The following SH3RF3 variants were observed in gnomAD, a reference collection of about 807,000 sequenced individuals.
The protein encoded by SH3RF3 is E3 ubiquitin-protein ligase SH3RF3.
SH3RF3 carries 29 observed loss-of-function variants against 66.3 expected under a neutral mutation model. The ratio of observed to expected loss-of-function variants is 0.44; its 90% confidence interval spans 0.33 to 0.60. The LOEUF is 0.60. Ranked by LOEUF, SH3RF3 falls within the 20% of genes least tolerant of loss-of-function variation. SH3RF3 has a pLI of 0.04. For synonymous variants in SH3RF3, 583 were observed against 532.0 expected (o/e 1.10, Z -1.32); for missense variants, 1,194 against 1,190.9 (o/e 1.00, Z -0.04).
At chr2:109,278,010 C>CAA (rs58675048) in intron 1 of SH3RF3, among the ~76,000 whole-genome samples, 24,837 of 81,224 alleles carry the variant, frequency 0.31, 3,796 homozygotes, top group Non-Finnish European at 0.42. Flanking sequence ...CTGTCTCTAA[C>CAA]AAAAAAAAAA....
At chr2:109,249,563 C>CCTTA (rs1680025315) in intron 1 of SH3RF3, among the ~76,000 whole-genome samples, 2 of 135,006 alleles carry the variant, frequency 1.5e-5, no homozygotes, top group Non-Finnish European at 3.1e-5. Flanking sequence ...TTCCTTCCTT[C>CCTTA]CTTCCTTCCT....
At chr2:109,351,917 C>T (rs1682847682) in intron 2 of SH3RF3, among the ~76,000 whole-genome samples, 1 of 152,222 alleles carries the variant, frequency 6.6e-6, no homozygotes, top group Non-Finnish European at 1.5e-5. Context: ...TATGGGAAGT[C>T]TTACCTTTGT....
intron 7 of SH3RF3, among the ~76,000 whole-genome samples, chr2:109,441,556 C>T (rs1295174364): frequency 6.6e-6 from 1 of 152,154 alleles, no homozygotes; most frequent in Non-Finnish European, 1.5e-5. Context: ...AGCAATGGGA[C>T]AACTTTAAGT....
chr2:109,317,950 G>A (rs1338089194), intron 1 of SH3RF3, among the ~76,000 whole-genome samples: 4 of 152,074 alleles, frequency 2.6e-5, no homozygotes, highest in Admixed American at 6.5e-5. Context: ...CAACTCTGCC[G>A]CTTGTCCTGA....
intron 1 of SH3RF3, among the ~76,000 whole-genome samples, chr2:109,270,337 C>T (rs1393597205): frequency 1.3e-5 from 2 of 152,144 alleles, no homozygotes; most frequent in Non-Finnish European, 2.9e-5. Flanking sequence ...GGGAGGATTG[C>T]CATTCAGAGT....
intron 3 of SH3RF3, among the ~76,000 whole-genome samples, chr2:109,392,079 G>A (rs905537401): frequency 4.6e-5 from 7 of 152,090 alleles, no homozygotes; most frequent in African/African-American, 1.2e-4. Flanking sequence ...GCCTCCCAAA[G>A]TGTTGAGTTT....
chr2:109,176,127 C>T (rs1157568542), intron 1 of SH3RF3, among the ~76,000 whole-genome samples: 2 of 152,174 alleles, frequency 1.3e-5, no homozygotes, highest in Non-Finnish European at 2.9e-5. Flanking sequence ...GGTGTCTGCC[C>T]TTTACTTGGC....
At chr2:109,492,108 G>A (rs149699208) in intron 9 of SH3RF3, among the ~76,000 whole-genome samples, 4,277 of 152,186 alleles carry the variant, frequency 0.028, 126 homozygotes, top group African/African-American at 0.07. Flanking sequence ...CGGTGGAAGC[G>A]TGGCCACACA....
chr2:109,298,803 A>G (rs1042273914), intron 1 of SH3RF3, among the ~76,000 whole-genome samples: 1 of 152,126 alleles, frequency 6.6e-6, no homozygotes, highest in African/African-American at 2.4e-5. Context: ...CCCCAGGATG[A>G]CAGAGCTGCC....
intron 1 of SH3RF3, among the ~76,000 whole-genome samples, chr2:109,297,660 A>C (rs1574557543): frequency 9.0e-6 from 1 of 110,922 alleles, no homozygotes; most frequent in African/African-American, 3.6e-5. Flanking sequence ...AGTGTCCCCC[A>C]CCCTGGTCAG....
chr2:109,395,997 T>C (rs370632336), intron 3 of SH3RF3, among the ~76,000 whole-genome samples: 34 of 152,366 alleles, frequency 2.2e-4, no homozygotes, highest in African/African-American at 7.5e-4. Flanking sequence ...GCATTATTGC[T>C]GCCATGATTG....
chr2:109,430,787 T>C lies in SH3RF3; in HGVS notation c.1404-1714T>C, dbSNP rs545860556. Among the ~76,000 whole-genome samples the C allele has an allele frequency of 1.4e-4, 21 of 152,314 alleles. 1 individual carries two copies. In the South Asian group the frequency reaches 3.5e-3, roughly 26 times the overall value. ...GCGGGGTCCTCTCCTGATGATTTTG[T>C]GTATCCTCCTGAAGCCCAGAGTTGG... On this transcript the variant is annotated intron_variant, in intron 5 of 9. Transcript: ENST00000309415.
intron 1 of SH3RF3, among the ~76,000 whole-genome samples, chr2:109,197,184 G>C (rs7604406): frequency 0.015 from 2,234 of 152,310 alleles, 66 homozygotes; most frequent in African/African-American, 0.051. Flanking sequence ...CAGGAAGGCG[G>C]TAGTCTTGTT....
chr2:109,438,173 T>C, intron 7 of SH3RF3, among the ~76,000 whole-genome samples: 1 of 152,192 alleles, frequency 6.6e-6, no homozygotes, highest in African/African-American at 2.4e-5. Flanking sequence ...AGAGGCCATA[T>C]TTCCTTCCTT....
intron 1 of SH3RF3, among the ~76,000 whole-genome samples, chr2:109,232,737 A>G (rs868647416): frequency 6.6e-6 from 1 of 152,220 alleles, no homozygotes; most frequent in South Asian, 2.1e-4. Context: ...CAGGAGCTCT[A>G]TGAGCTGTTT....
intron 4 of SH3RF3, among the ~76,000 whole-genome samples, chr2:109,411,706 A>C (rs1317383587): frequency 6.6e-6 from 1 of 152,070 alleles, no homozygotes; most frequent in Non-Finnish European, 1.5e-5. Context: ...ACCACACCAC[A>C]CACCCATGCT....
At chr2:109,313,921 A>T (rs1310344250) in intron 1 of SH3RF3, among the ~76,000 whole-genome samples, 1 of 152,176 alleles carries the variant, frequency 6.6e-6, no homozygotes, top group African/African-American at 2.4e-5. Flanking sequence ...TGGGACCCGT[A>T]TGCAGGGTGC....
chr2:109,391,482 C>T (rs891461969), intron 3 of SH3RF3, among the ~76,000 whole-genome samples: 2 of 152,220 alleles, frequency 1.3e-5, no homozygotes, highest in Non-Finnish European at 2.9e-5. Context: ...CACAGGTCTC[C>T]AGCACACTCC....
chr2:109,313,759 A>G (rs1048200731), intron 1 of SH3RF3: 1 of 154,964 alleles, frequency 6.5e-6, no homozygotes, highest in Non-Finnish European at 1.5e-5. Flanking sequence ...GTTTCTTTGT[A>G]GCGATGGGGT....
Sources: allele counts gnomAD v4.1 joint callset (sites outside exome capture counted in the v4.1 genomes callset), GRCh38; gene constraint gnomAD v4.1.1; transcripts MANE v1.5; gene names NCBI Gene and HGNC (gene_info 2026-07-23, HGNC 2026-07-21).